The following AIF1L variants were observed in gnomAD, a reference collection of about 807,000 sequenced individuals.
AIF1L encodes allograft inflammatory factor 1-like.
In AIF1L, 12 loss-of-function variants were observed where a neutral mutation model predicts 20.7. That is an observed-to-expected ratio of 0.58 (90% confidence interval 0.37 to 0.94). The LOEUF is 0.94. Ranked by LOEUF, AIF1L falls within the 40% of genes least tolerant of loss-of-function variation. The probability of loss-of-function intolerance (pLI) is 0.01; values close to 1 mark genes in which losing one functional copy is unlikely to be tolerated. For synonymous variants in AIF1L, 76 were observed against 65.1 expected, an observed-to-expected ratio of 1.17 and a Z score of -0.81; for missense variants, 173 against 185.3, an observed-to-expected ratio of 0.93 and a Z score of 0.39.
At chr9:131,106,147 G>T (rs1422101327) in intron 2 of AIF1L, 1 of 1,525,284 alleles carries the variant, frequency 6.6e-7, no homozygotes, top group Non-Finnish European at 8.8e-7. Context: ...CTGGGGCCCT[G>T]CCTCCTCCGA....
intron 2 of AIF1L, chr9:131,106,075 T>G (rs1230406017): frequency 8.3e-7 from 1 of 1,204,592 alleles, no homozygotes; most frequent in Non-Finnish European, 1.1e-6. Flanking sequence ...CTCCTCGGGC[T>G]CCTCAACAGA....
chr9:131,111,082 A>G (rs1455005778), intron 2 of AIF1L, among the ~76,000 whole-genome samples: 1 of 151,820 alleles, frequency 6.6e-6, no homozygotes, highest in East Asian at 2.0e-4. Flanking sequence ...AGGCTGAGGC[A>G]GGAGAATCGC....
chr9:131,113,151 A>G (rs1405325315), intron 3 of AIF1L, among the ~76,000 whole-genome samples: 6 of 151,916 alleles, frequency 3.9e-5, no homozygotes. Context: ...TTCAGTGAGA[A>G]ATGAGGGAGG....
At chr9:131,110,927 T>C (rs1358847817) in intron 2 of AIF1L, among the ~76,000 whole-genome samples, 1 of 151,252 alleles carries the variant, frequency 6.6e-6, no homozygotes, top group African/African-American at 2.4e-5. Flanking sequence ...TTTGGGAGTC[T>C]GAGGCGGAGG....
intron 5 of AIF1L, 122 bp from the exon 6 acceptor site, chr9:131,120,113 A>C: frequency 1.1e-6 from 1 of 870,078 alleles, no homozygotes; most frequent in Non-Finnish European, 1.8e-6. Flanking sequence ...CCCACTGGAG[A>C]ACAGATTTAA....
intron 2 of AIF1L, among the ~76,000 whole-genome samples, chr9:131,110,867 G>A (rs353532): frequency 0.97 from 147,621 of 152,102 alleles, 71,816 homozygotes; most frequent in East Asian, 1. Context: ...TAAGGCAATA[G>A]AAGTGTGGGG....
intron 5 of AIF1L, 55 bp from the exon 6 acceptor site, chr9:131,120,180 A>G: frequency 7.0e-7 from 1 of 1,426,564 alleles, no homozygotes; most frequent in Non-Finnish European, 9.8e-7. Flanking sequence ...TGGATGAGGG[A>G]AGGATCCTAA....
chr9:131,110,910 C>T (rs1420994322), intron 2 of AIF1L, among the ~76,000 whole-genome samples: 2 of 151,678 alleles, frequency 1.3e-5, no homozygotes, highest in East Asian at 3.9e-4. Context: ...ACCTGTAATC[C>T]CAGCACTTTG....
chr9:131,114,004 G>C (rs1830951559), intron 3 of AIF1L: 1 of 159,392 alleles, frequency 6.3e-6, no homozygotes, highest in Admixed American at 5.9e-5. Flanking sequence ...GATCAGGGAA[G>C]TATAACTCAG....
intron 5 of AIF1L, among the ~76,000 whole-genome samples, chr9:131,118,782 A>C (rs1241630189): frequency 6.6e-6 from 1 of 152,006 alleles, no homozygotes; most frequent in Non-Finnish European, 1.5e-5. Context: ...CCTGACTTCC[A>C]AGAGATCAGA....
At chr9:131,096,916 G>A in intron 2 of AIF1L, 53 bp downstream of exon 2, 7 of 1,480,208 alleles carry the variant, frequency 4.7e-6, no homozygotes, top group Non-Finnish European at 5.4e-6. Context: ...CGCTGCGCGG[G>A]TGCCACCTCT....
chr9:131,110,346 T>A (rs1474510039), intron 2 of AIF1L, among the ~76,000 whole-genome samples: 1 of 152,086 alleles, frequency 6.6e-6, no homozygotes, highest in Non-Finnish European at 1.5e-5. Context: ...CTGAAAGGAC[T>A]CATTTGAGTC....
At chr9:131,117,950 G>A (rs2133408850) in intron 5 of AIF1L, 32 bp downstream of exon 5, 1 of 1,580,722 alleles carries the variant, frequency 6.3e-7, no homozygotes, top group Admixed American at 1.8e-5. Flanking sequence ...TGGGATCTCT[G>A]AAGGCAAAAT....
chr9:131,114,588 G>C lies in AIF1L; in HGVS notation c.172G>C (p.Glu58Gln). ...TCTGTGATTTCCAGAGAAGTACATG[G>C]AGTTTGACCTGAACAATGAAGGCGA... The part of the protein sequence containing the change: ...KLTAFKEKYM[E>Q]FDLNNEGEID... Residue 58 changes from glutamate to glutamine, a missense_variant, in exon 4 of 6, where the codon GAG becomes CAG. Coordinates refer to ENST00000247291, the MANE Select transcript of AIF1L (RefSeq NM_031426.4). 2 of 1,614,174 alleles carry C rather than the reference G, an allele frequency of 1.2e-6. No homozygotes were observed. The highest frequency in any genetic ancestry group is 1.7e-6 in the Non-Finnish European group (2 of 1,179,992).
At position 131,120,394 on chromosome 9, in the gene AIF1L, C is replaced by A; in HGVS notation, c.*72C>A. 2 of 1,214,214 alleles carry A rather than the reference C, an allele frequency of 1.6e-6. No individual in the cohort carries two copies. The highest frequency in any genetic ancestry group is 2.3e-6 in the Non-Finnish European group (2 of 857,192). 75.2% of individuals were successfully genotyped at this position (1,214,214 alleles called of 1,614,324 possible). On this transcript the variant is annotated 3_prime_UTR_variant, in exon 6 of 6. Transcript: ENST00000247291. ...CGATCTTGCTGCCCTTCTTGACACACTGTGATCTCTCTCTCTCTCATTTGT... is the reference window on the plus strand; with the variant it reads ...CGATCTTGCTGCCCTTCTTGACACAATGTGATCTCTCTCTCTCTCATTTGT...
In AIF1L at chr9:131,120,115, C is replaced by G. The variant is rs929117685; in HGVS notation, c.366-120C>G. ...CTTCTGCAAGGATCCCACTGGAGAA[C>G]AGATTTAAATTCTGTTGAGGACCCT... On this transcript the variant is annotated intron_variant, in intron 5 of 5. Coordinates refer to ENST00000247291, the MANE Select transcript of AIF1L (RefSeq NM_031426.4). The G allele has an allele frequency of 4.5e-6, 4 of 894,850 alleles. No individual in the cohort carries two copies. The East Asian group carries it at 8.1e-5, about 18-fold the overall frequency. 55.4% of individuals were successfully genotyped at this position (894,850 alleles called of 1,614,324 possible).
intron 2 of AIF1L, among the ~76,000 whole-genome samples, chr9:131,102,441 G>A (rs1220037509): frequency 1.3e-5 from 2 of 152,182 alleles, no homozygotes; most frequent in South Asian, 2.1e-4. Context: ...GCATTGCTGG[G>A]CACCCACCTC....
chr9:131,102,219 G>GT (rs1830655167), intron 2 of AIF1L, among the ~76,000 whole-genome samples: 1 of 152,100 alleles, frequency 6.6e-6, no homozygotes, highest in Admixed American at 6.6e-5. Context: ...GGCCCCTGAT[G>GT]TTTTTTTCAG....
At position 131,106,264 on chromosome 9, in the gene AIF1L, AG is replaced by A. The variant is rs753305760; in HGVS notation, c.94-5331del. ...AGCTGCTTGCTGGCTCTGCTGTTTC[AG>A]GCAAGTTAGTTAACCTGAGTCTCAA... On this transcript the variant is annotated intron_variant, in intron 2 of 5. Transcript: ENST00000247291. The A allele has an allele frequency of 7.9e-6, 12 of 1,526,700 alleles. No individual in the cohort carries two copies. In the South Asian group the frequency reaches 1.4e-4, roughly 18 times the overall value. The allele number at this position is 1,526,700 out of a possible 1,614,324, so 94.6% of individuals were successfully genotyped here. A position where few individuals can be genotyped will look rare whatever the true frequency, so the allele number is the denominator to read the frequency against.
Sources: gnomAD v4.1 joint callset for allele counts (sites outside exome capture counted in the v4.1 genomes callset) on GRCh38, gnomAD v4.1.1 for gene constraint, MANE v1.5 for transcripts, NCBI Gene and HGNC (gene_info 2026-07-23, HGNC 2026-07-21) for gene names.